Variants in CD46 observed in about 807,000 individuals in gnomAD.
CD46 encodes CD46 molecule.
Under a neutral mutation model 53.3 loss-of-function variants are expected in CD46, and 30 were observed. The observed-to-expected ratio is 0.56, with a 90% CI of 0.42 to 0.76. The LOEUF (loss-of-function observed/expected upper bound fraction) is 0.76, where lower values mean the gene tolerates loss of function less well. Among genes scored for constraint, CD46 ranks in the 30% least tolerant of loss-of-function variants. The pLI, the probability that CD46 is intolerant of heterozygous loss-of-function variation, is 0.00. For missense variants in CD46, 409 were observed against 463.0 expected (o/e 0.88, Z 1.07); for synonymous variants, 142 against 152.0 (o/e 0.93, Z 0.48).
intron 4 of CD46, chr1:207,760,290 C>G (rs1442581937): frequency 6.5e-6 from 1 of 152,890 alleles, no homozygotes; most frequent in Non-Finnish European, 1.5e-5. Flanking sequence ...TGGCATTGTT[C>G]ACATTTTTTG....
chr1:207,760,421 A>G (rs1331301299), intron 4 of CD46: 1 of 152,208 alleles, frequency 6.6e-6, no homozygotes, highest in Admixed American at 6.5e-5. Context: ...GAAAAAAGAC[A>G]ATAATATTTT....
chr1:207,781,220 T>C (rs958201032), intron 8 of CD46, among the ~76,000 whole-genome samples: 1 of 151,264 alleles, frequency 6.6e-6, no homozygotes, highest in Non-Finnish European at 1.5e-5. Context: ...ATGTGCTTAT[T>C]GGTCATTTGT....
At chr1:207,755,362 G>A (rs1263547834) in intron 1 of CD46, among the ~76,000 whole-genome samples, 3 of 152,164 alleles carry the variant, frequency 2.0e-5, no homozygotes, top group Non-Finnish European at 2.9e-5. Flanking sequence ...GAGAAGTCAC[G>A]ATGCTAGGCA....
At chr1:207,778,276 G>T (rs1658332873) in intron 8 of CD46, among the ~76,000 whole-genome samples, 2 of 152,126 alleles carry the variant, frequency 1.3e-5, no homozygotes, top group South Asian at 4.1e-4. Flanking sequence ...CTGTGCAGAA[G>T]CTCTTCAATT....
chr1:207,761,103 T>A (rs918684989), intron 4 of CD46, 146 bp from the exon 5 acceptor site: 77 of 609,024 alleles, frequency 1.3e-4, no homozygotes, highest in African/African-American at 1.1e-3. Flanking sequence ...ATATATTTGC[T>A]CATAGAAACC....
intron 6 of CD46, 128 bp downstream of exon 6, chr1:207,767,323 T>G (rs1656970192): frequency 1.2e-6 from 1 of 857,000 alleles, no homozygotes; most frequent in Admixed American, 2.0e-5. Flanking sequence ...AGTATTTAAC[T>G]CTGTCTTGTA....
intron 8 of CD46, 53 bp from the exon 9 acceptor site, chr1:207,783,239 T>A: frequency 1.0e-6 from 1 of 995,482 alleles, no homozygotes; most frequent in Non-Finnish European, 1.6e-6. Flanking sequence ...AGCTTTATAT[T>A]TAATTCTTTC....
chr1:207,757,375 G>A (rs1019231137), intron 2 of CD46, among the ~76,000 whole-genome samples, 165 bp from the exon 3 acceptor site: 1 of 152,070 alleles, frequency 6.6e-6, no homozygotes, highest in Non-Finnish European at 1.5e-5. Flanking sequence ...TCATTTTCCT[G>A]GCAATAGATT....
intron 5 of CD46, among the ~76,000 whole-genome samples, chr1:207,762,315 A>C (rs1656308805): frequency 6.6e-6 from 1 of 152,212 alleles, no homozygotes; most frequent in South Asian, 2.1e-4. Context: ...GTTAGAAAAA[A>C]AGAAAAGTCT....
Position 207,757,533 on chromosome 1 carries a change from C to A in CD46, c.287-7C>A, listed in dbSNP as rs771992349. ...GATTGAAAACTATCAAAATTATTTT[C>A]TTTCAGGAGAAACATGTCCATATAT... On this transcript the variant is annotated splice_region_variant and splice_polypyrimidine_tract_variant and intron_variant, in intron 2 of 12. Coordinates refer to ENST00000367042, the MANE Select transcript of CD46 (RefSeq NM_172351.3). The A allele has an allele frequency of 1.9e-6, 3 of 1,558,334 alleles. No homozygotes were observed. Among genetic ancestry groups the A allele is most frequent in the Admixed American group, 1.7e-5 (1 of 58,746 alleles).
chr1:207,779,913 C>CTTTTTTTTCTTTTTTTTTTTTTTT (rs1658544957), intron 8 of CD46, among the ~76,000 whole-genome samples: 1 of 62,384 alleles, frequency 1.6e-5, no homozygotes, highest in Non-Finnish European at 3.0e-5. Flanking sequence ...AAAAGCAAGT[C>CTTTTTTTTCTTTTTTTTTTTTTTT]TTTTTTTTTT....
chr1:207,791,020 G>T (rs548232351), intron 12 of CD46, among the ~76,000 whole-genome samples: 1 of 152,254 alleles, frequency 6.6e-6, no homozygotes, highest in Non-Finnish European at 1.5e-5. Flanking sequence ...CCCTAACCTA[G>T]GTTATAATTA....
chr1:207,756,217 T>C (rs1395288725), intron 1 of CD46, among the ~76,000 whole-genome samples: 1 of 152,174 alleles, frequency 6.6e-6, no homozygotes, highest in African/African-American at 2.4e-5. Flanking sequence ...ACTACTGGAC[T>C]GCCAAGCTAT....
chr1:207,790,196 T>C (rs1659669962), intron 11 of CD46, 57 bp from the exon 12 acceptor site: 1 of 867,210 alleles, frequency 1.2e-6, no homozygotes, highest in African/African-American at 1.6e-5. Context: ...ATGCTACTCG[T>C]TTCTTTTTGG....
At chr1:207,765,870 A>AT (rs1444916249) in intron 5 of CD46, among the ~76,000 whole-genome samples, 10 of 152,228 alleles carry the variant, frequency 6.6e-5, no homozygotes, top group African/African-American at 2.4e-4. Flanking sequence ...CAGCAGCCTT[A>AT]TTCATAATCA....
chr1:207,752,365 C>A lies in CD46; in HGVS notation c.97+56C>A. ...CGGCGAGACTAGAGCTCTCCTCAGT[C>A]GGGCAAGAGTCGCGGGGCGGGGCTC... On this transcript the variant is annotated intron_variant, in intron 1 of 12. Transcript: ENST00000367042. The surrounding 1 kb of genome is among the most constrained non-coding windows in gnomAD (Gnocchi z 4.1). 4 of 1,523,552 alleles carry A rather than the reference C, an allele frequency of 2.6e-6. No individual in the cohort carries two copies. Among genetic ancestry groups the A allele is most frequent in the Non-Finnish European group, 2.7e-6 (3 of 1,099,124 alleles). The allele number at this position is 1,523,552 out of a possible 1,614,324, so 94.4% of individuals were successfully genotyped here. A position where few individuals can be genotyped will look rare whatever the true frequency, so the allele number is the denominator to read the frequency against.
At chr1:207,774,926 G>C (rs866318138) in intron 8 of CD46, among the ~76,000 whole-genome samples, 1 of 152,078 alleles carries the variant, frequency 6.6e-6, no homozygotes, top group Non-Finnish European at 1.5e-5. Flanking sequence ...TTTGAATGTT[G>C]GCCTGTCTTG....
At chr1:207,767,750 C>T (rs1188973294) in intron 6 of CD46, 29 bp from the exon 7 acceptor site, 13 of 1,607,928 alleles carry the variant, frequency 8.1e-6, no homozygotes, top group Non-Finnish European at 1.1e-5. Context: ...AGTGTTTGGT[C>T]CAATCTACAT....
Position 207,773,589 on chromosome 1 carries a change from G to A in CD46, c.943+3227G>A, listed in dbSNP as rs972747106. 5.3e-5 allele frequency among the ~76,000 whole-genome samples: 8 copies of A among 152,188 alleles called. No individual in the cohort carries two copies. The East Asian group carries it at 1.2e-3, about 22-fold the overall frequency. ...AAATGTTTCCCAGAGATTCTGGTAC[G>A]TTGTATCTTTGTTCTCGTTGGTTTT... On this transcript the variant is annotated intron_variant, in intron 8 of 12. Transcript: ENST00000367042.
Sources: allele counts gnomAD v4.1 joint callset (sites outside exome capture counted in the v4.1 genomes callset), GRCh38; gene constraint gnomAD v4.1.1; non-coding constraint Gnocchi (gnomAD v3.1); transcripts MANE v1.5; gene names NCBI Gene and HGNC (gene_info 2026-07-23, HGNC 2026-07-21).